Variants in APP observed in about 807,000 individuals in gnomAD.
The protein encoded by APP is amyloid-beta precursor protein.
APP carries 31 observed loss-of-function variants against 101.4 expected under a neutral mutation model. The ratio of observed to expected loss-of-function variants is 0.31; its 90% CI spans 0.23 to 0.41. APP has a LOEUF of 0.41. Among genes scored for constraint, APP ranks in the 10% least tolerant of loss-of-function variants. APP has a pLI of 1.00. For synonymous variants in APP, 366 were observed against 364.4 expected, an observed-to-expected ratio of 1.00 and a Z score of -0.05; for missense variants, 839 against 1,003.7, an observed-to-expected ratio of 0.84 and a Z score of 2.22.
At chr21:26,026,480 C>A (rs182789568) in intron 5 of APP, among the ~76,000 whole-genome samples, 3,204 of 152,330 alleles carry the variant, frequency 0.021, 102 homozygotes, top group African/African-American at 0.073. Context: ...CTGTTTCTAA[C>A]TAAAGCTGAC....
intron 16 of APP, among the ~76,000 whole-genome samples, chr21:25,895,417 G>C (rs1601312885): frequency 6.6e-6 from 1 of 152,256 alleles, no homozygotes; most frequent in South Asian, 2.1e-4. Flanking sequence ...ACCTGCCTTG[G>C]CCTCCCAAAG....
intron 9 of APP, among the ~76,000 whole-genome samples, chr21:25,979,962 G>A (rs1211505158): frequency 6.6e-6 from 1 of 152,224 alleles, no homozygotes; most frequent in Non-Finnish European, 1.5e-5. Context: ...AGAATTAAAT[G>A]AAAGGTAAGA....
At chr21:26,120,284 T>G (rs971086844) in intron 1 of APP, among the ~76,000 whole-genome samples, 1 of 152,162 alleles carries the variant, frequency 6.6e-6, no homozygotes, top group Non-Finnish European at 1.5e-5. Context: ...GTTGCCTTTT[T>G]TTAGGCAGCT....
chr21:26,124,657 G>A (rs1469702260), intron 1 of APP, among the ~76,000 whole-genome samples: 1 of 152,196 alleles, frequency 6.6e-6, no homozygotes, highest in Admixed American at 6.5e-5. Context: ...GTGAATGACT[G>A]CTGTACAAAA....
chr21:25,908,312 C>A (rs2038892742), intron 14 of APP, among the ~76,000 whole-genome samples: 1 of 152,158 alleles, frequency 6.6e-6, no homozygotes, highest in Non-Finnish European at 1.5e-5. Context: ...TTATTTTCTT[C>A]AATGTAAATT....
chr21:25,993,593 G>C (rs2042950302), intron 8 of APP, among the ~76,000 whole-genome samples: 1 of 152,200 alleles, frequency 6.6e-6, no homozygotes, highest in Admixed American at 6.5e-5. Context: ...TTGGACAATA[G>C]TCTAACAAAT....
At chr21:26,047,126 A>T (rs1403211725) in intron 5 of APP, among the ~76,000 whole-genome samples, 1 of 152,176 alleles carries the variant, frequency 6.6e-6, no homozygotes, top group African/African-American at 2.4e-5. Flanking sequence ...TGCCTATGTT[A>T]AAGATTTACC....
intron 8 of APP, among the ~76,000 whole-genome samples, chr21:25,985,102 T>G (rs2042588065): frequency 6.6e-6 from 1 of 152,086 alleles, no homozygotes; most frequent in Non-Finnish European, 1.5e-5. Flanking sequence ...AGCAACATAA[T>G]AAGAGAATAA....
chr21:25,987,992 AAG>A lies in APP; in HGVS notation c.1091-5517_1091-5516del, dbSNP rs565242990. On this transcript the variant is annotated intron_variant, in intron 8 of 17. Coordinates refer to ENST00000346798, the MANE Select transcript of APP (RefSeq NM_000484.4). ...TTGTATTATGGAGAAAAAGAGGAAA[AAG>A]AAAAACAGAGCAGAGTTCAGAAGGA... Among the ~76,000 whole-genome samples, 334 of 152,348 alleles carry A rather than the reference AAG, an allele frequency of 2.2e-3. 3 individuals carry two copies. The highest frequency in any genetic ancestry group is 7.8e-3 in the African/African-American group (323 of 41,580).
chr21:26,166,374 A>G (rs1955253834), intron 1 of APP, among the ~76,000 whole-genome samples: 1 of 152,160 alleles, frequency 6.6e-6, no homozygotes, highest in Admixed American at 6.5e-5. Context: ...CAGCGTTTCC[A>G]AGGGTTTGCA....
chr21:26,108,246 C>T (rs982116553), intron 2 of APP, among the ~76,000 whole-genome samples: 6 of 152,214 alleles, frequency 3.9e-5, no homozygotes, highest in Non-Finnish European at 7.3e-5. Context: ...CACATAGTTA[C>T]AACTCAGTAA....
At chr21:25,961,003 A>G (rs1210381049) in intron 11 of APP, among the ~76,000 whole-genome samples, 3 of 152,206 alleles carry the variant, frequency 2.0e-5, no homozygotes, top group African/African-American at 7.2e-5. Flanking sequence ...ATTTTTAGTT[A>G]AGAAAGAAAA....
chr21:25,967,738 G>A (rs1040631179), intron 11 of APP, among the ~76,000 whole-genome samples: 2 of 152,222 alleles, frequency 1.3e-5, no homozygotes, highest in African/African-American at 4.8e-5. Context: ...GGCTCAGACA[G>A]CATTTAGTTC....
At chr21:26,076,445 T>C (rs2061498542) in intron 3 of APP, among the ~76,000 whole-genome samples, 2 of 152,196 alleles carry the variant, frequency 1.3e-5, no homozygotes, top group South Asian at 2.1e-4. Flanking sequence ...GAGTCTAGTT[T>C]TGATCACATT....
chr21:26,047,353 T>C (rs1286172472), intron 5 of APP, among the ~76,000 whole-genome samples: 1 of 152,238 alleles, frequency 6.6e-6, no homozygotes, highest in East Asian at 1.9e-4. Context: ...TAGCATCCCC[T>C]GAAGATGTTT....
intron 13 of APP, among the ~76,000 whole-genome samples, chr21:25,929,654 G>C (rs1025876031): frequency 2.0e-5 from 3 of 152,130 alleles, no homozygotes; most frequent in Admixed American, 1.3e-4. Flanking sequence ...AAAATGAAAC[G>C]TGAGGTTTGC....
chr21:26,148,295 C>T (rs1478905116), intron 1 of APP, among the ~76,000 whole-genome samples: 1 of 152,206 alleles, frequency 6.6e-6, no homozygotes, highest in African/African-American at 2.4e-5. Flanking sequence ...TCCAAGCAGC[C>T]AAGGCTGTCA....
At chr21:26,093,858 G>A (rs1224248443) in intron 2 of APP, among the ~76,000 whole-genome samples, 2 of 152,124 alleles carry the variant, frequency 1.3e-5, no homozygotes, top group Non-Finnish European at 2.9e-5. Flanking sequence ...GCACACACCT[G>A]TAATCCCAGC....
intron 13 of APP, among the ~76,000 whole-genome samples, chr21:25,937,011 G>A (rs2040391966): frequency 6.6e-6 from 1 of 152,102 alleles, no homozygotes; most frequent in African/African-American, 2.4e-5. Context: ...ATGTGACTCA[G>A]TTCAGGATTT....
Sources: allele counts gnomAD v4.1 joint callset (sites outside exome capture counted in the v4.1 genomes callset), GRCh38; gene constraint gnomAD v4.1.1; transcripts MANE v1.5; gene names NCBI Gene and HGNC (gene_info 2026-07-23, HGNC 2026-07-21).